Variants in MBD1 observed in about 807,000 individuals in gnomAD.
MBD1 encodes the protein methyl-CpG-binding domain protein 1.
MBD1 carries 25 observed loss-of-function variants against 82.6 expected under a neutral mutation model. The observed-to-expected ratio is 0.30, with a 90% CI of 0.22 to 0.42. The LOEUF is 0.42. Among genes scored for constraint, MBD1 ranks in the 10% least tolerant of loss-of-function variants. The pLI is 1.00. For missense variants in MBD1, 627 were observed against 819.6 expected (o/e 0.76, Z 2.87); for synonymous variants, 301 against 303.7 (o/e 0.99, Z 0.09).
At chr18:50,281,748 T>G (rs940188653), upstream of MBD1, 8 of 351,250 alleles carry the variant, frequency 2.3e-5, no homozygotes, top group Non-Finnish European at 3.6e-5. Flanking sequence ...CTCTCCTCGC[T>G]GCCCATCTAG....
intron 15 of MBD1, 168 bp downstream of exon 15, chr18:50,272,509 T>G: frequency 1.3e-6 from 1 of 770,638 alleles, no homozygotes; most frequent in South Asian, 1.4e-5. Context: ...TCAGGAGAAA[T>G]CTCTAGGGTC....
rs374057211 is a variant in MBD1, at chr18:50,271,898, T to C, written c.1779-358A>G. ...GTAGGAGCAAAGGAATCCAAGTGCT[T>C]AGGCCAATAGTTTACATCGCCAGTG... On this transcript the variant is annotated intron_variant, in intron 15 of 16. Transcript: ENST00000269468. Among the ~76,000 whole-genome samples the C allele has an allele frequency of 3.2e-4, 49 of 152,282 alleles. 1 individual carries two copies. In the South Asian group the frequency reaches 8.5e-3, roughly 26 times the overall value.
intron 2 of MBD1, among the ~76,000 whole-genome samples, chr18:50,278,482 T>C (rs891715983): frequency 6.6e-6 from 1 of 152,248 alleles, no homozygotes; most frequent in African/African-American, 2.4e-5. Flanking sequence ...TCAGGTTCTT[T>C]ATAGTTCTTG....
Position 50,275,739 on chromosome 18 carries a change from G to T in MBD1, c.664-11C>A, listed in dbSNP as rs764541776. 1.2e-6 allele frequency: 2 copies of T among 1,614,188 alleles called. No homozygotes were observed. Among genetic ancestry groups the T allele is most frequent in the South Asian group, 2.2e-5 (2 of 91,084 alleles). ...TCCACACCCTCGGCTCTGTTGGCGG[G>T]GGGCAGGTGGGAGCAGAGGCATGAA... is the stretch of plus-strand genomic sequence containing the variant. On this transcript the variant is annotated splice_polypyrimidine_tract_variant and intron_variant, in intron 7 of 16. Coordinates refer to ENST00000269468, the MANE Select transcript of MBD1 (RefSeq NM_015846.4).
chr18:50,280,012 A>T lies in MBD1; in HGVS notation c.-20T>A. 6.2e-7 allele frequency: 1 copy of T among 1,603,380 alleles called. No individual in the cohort carries two copies. Among genetic ancestry groups the T allele is most frequent in the African/African-American group, 1.3e-5 (1 of 75,010 alleles). On this transcript the variant is annotated 5_prime_UTR_variant, in exon 2 of 17. Coordinates refer to ENST00000269468, the MANE Select transcript of MBD1 (RefSeq NM_015846.4). Reference sequence around the variant, plus strand: ...AGCCATGGAGGCCACAGGAAGCAGCAGTAGCCTGAAAGGGGGTGGAAGGGA... The same window carrying T: ...AGCCATGGAGGCCACAGGAAGCAGCTGTAGCCTGAAAGGGGGTGGAAGGGA...
At chr18:50,270,385 AGT>A in intron 16 of MBD1, 1 of 541,548 alleles carries the variant, frequency 1.8e-6, no homozygotes, top group South Asian at 1.6e-5. Context: ...ATTGGGAGAG[AGT>A]GAGGTAGGGC....
rs1037617527 is a variant in MBD1 at position 50,275,288 on chromosome 18, G to C, written c.793-43C>G. The C allele has an allele frequency of 1.9e-6, 3 of 1,606,700 alleles. No homozygotes were observed. The African/African-American group carries it at 4.0e-5, about 21-fold the overall frequency. The stretch of plus-strand genomic sequence containing the variant: ...GGGTGGTTTCAGCTTGGTGGCACCA[G>C]GCAGACACAGAAACTCCCCACACCC... On this transcript the variant is annotated intron_variant, in intron 8 of 16. Coordinates refer to ENST00000269468, the MANE Select transcript of MBD1 (RefSeq NM_015846.4).
downstream of MBD1, chr18:50,267,417 C>T (rs1158077936): frequency 1.8e-6 from 1 of 550,708 alleles, no homozygotes. Flanking sequence ...GGCTTAGACT[C>T]AGGATATCCT....
In MBD1 at chr18:50,274,362, G is replaced by A. The variant is rs2036862200; in HGVS notation, c.979-9C>T. 6.2e-7 allele frequency: 1 copy of A among 1,610,456 alleles called. No individual in the cohort carries two copies. ...CGGTTCGTGTAGGGCTGCTGGGGTG[G>A]GGGGAATGGGTGGTGCTGTCAACTA... On this transcript the variant is annotated splice_polypyrimidine_tract_variant and intron_variant, in intron 10 of 16. Coordinates refer to ENST00000269468, the MANE Select transcript of MBD1 (RefSeq NM_015846.4).
At chr18:50,278,184 C>T (rs977734360) in intron 2 of MBD1, among the ~76,000 whole-genome samples, 1 of 152,138 alleles carries the variant, frequency 6.6e-6, no homozygotes, top group Admixed American at 6.5e-5. Context: ...CAGGACTGAG[C>T]GGGATGGTGT....
intron 15 of MBD1, 81 bp downstream of exon 15, chr18:50,272,596 T>G: frequency 6.6e-7 from 1 of 1,513,116 alleles, no homozygotes; most frequent in South Asian, 1.1e-5. Context: ...CATGCCAAAC[T>G]GCCGGCTATA....
chr18:50,274,738 T>C (rs1447830432), intron 10 of MBD1, among the ~76,000 whole-genome samples: 1 of 152,244 alleles, frequency 6.6e-6, no homozygotes. Context: ...CCAGTCACTA[T>C]GCTAGCTGCT....
At position 50,273,408 on chromosome 18, in the gene MBD1, C is replaced by T. The variant is rs1432590038; in HGVS notation, c.1510G>A (p.Asp504Asn). Residue 504 changes from aspartate to asparagine, a missense_variant, in exon 13 of 17, where the codon GAT becomes AAT. Physicochemically the swap from Asp to Asn is conservative, Grantham distance 23. This residue lies in a region of MBD1 where 265 missense variants were observed against 278.4 expected (regional missense o/e 0.95). Transcript: ENST00000269468. The part of the protein sequence containing the change: ...ALPQVKQEKA[D>N]TQDEWTPGTA... ...CCTGGTGTCCACTCGTCCTGGGTATCCGCCTTCTCTTGCTTCACCTGGGGT... is the reference window on the plus strand; with the variant it reads ...CCTGGTGTCCACTCGTCCTGGGTATTCGCCTTCTCTTGCTTCACCTGGGGT... The T allele has an allele frequency of 1.2e-6, 2 of 1,614,226 alleles. No homozygotes were observed. The highest frequency in any genetic ancestry group is 1.7e-5 in the Admixed American group (1 of 60,032).
chr18:50,275,736 C>T lies in MBD1; in HGVS notation c.664-8G>A, dbSNP rs368156713. ...TACTCCACACCCTCGGCTCTGTTGG[C>T]GGGGGGCAGGTGGGAGCAGAGGCAT... On this transcript the variant is annotated splice_polypyrimidine_tract_variant and splice_region_variant and intron_variant, in intron 7 of 16. Coordinates refer to ENST00000269468, the MANE Select transcript of MBD1 (RefSeq NM_015846.4). 13 of 1,613,986 alleles carry T rather than the reference C, an allele frequency of 8.1e-6. No individual in the cohort carries two copies. Among genetic ancestry groups the T allele is most frequent in the African/African-American group, 5.3e-5 (4 of 74,918 alleles).
At chr18:50,280,678 C>G (rs774370959) in intron 1 of MBD1, among the ~76,000 whole-genome samples, 1 of 151,856 alleles carries the variant, frequency 6.6e-6, no homozygotes, top group Non-Finnish European at 1.5e-5. Flanking sequence ...CCTCCCATGC[C>G]TCCCCTTCCT....
intron 16 of MBD1, chr18:50,270,384 G>C (rs868675791): frequency 1.7e-5 from 9 of 542,416 alleles, no homozygotes; most frequent in Non-Finnish European, 2.5e-5. Context: ...AATTGGGAGA[G>C]AGTGAGGTAG....
rs1453817687 is a variant in MBD1, at chr18:50,276,760, C to G, written c.393-16G>C. The G allele has an allele frequency of 6.2e-7, 1 of 1,614,176 alleles. No homozygotes were observed. The highest frequency in any genetic ancestry group is 8.5e-7 in the Non-Finnish European group (1 of 1,180,012). On this transcript the variant is annotated splice_polypyrimidine_tract_variant and intron_variant, in intron 4 of 16. Coordinates refer to ENST00000269468, the MANE Select transcript of MBD1 (RefSeq NM_015846.4). The stretch of plus-strand genomic sequence containing the variant: ...CTCACAGCACCTGGGATGGGAAAGG[C>G]AGGTGTGGGGCTCCAAGAGCACCCC...
chr18:50,278,534 T>C (rs910203784), intron 2 of MBD1, among the ~76,000 whole-genome samples: 2 of 152,220 alleles, frequency 1.3e-5, no homozygotes, highest in Admixed American at 1.3e-4. Flanking sequence ...TACAAGTACA[T>C]AAATATGTGA....
At chr18:50,275,469 G>A (rs770365707) in intron 8 of MBD1, 131 bp downstream of exon 8, 12 of 1,594,202 alleles carry the variant, frequency 7.5e-6, no homozygotes, top group Non-Finnish European at 7.7e-6. Context: ...CAGGTAGGCG[G>A]GGCCAGAAAG....
Sources: allele counts gnomAD v4.1 joint callset (sites outside exome capture counted in the v4.1 genomes callset), GRCh38; gene constraint gnomAD v4.1.1; regional missense constraint gnomAD v4.1.1; transcripts MANE v1.5; gene names NCBI Gene and HGNC (gene_info 2026-07-23, HGNC 2026-07-21).